The following TAFA2 variants were observed in gnomAD, a reference collection of about 807,000 sequenced individuals.
TAFA2 encodes the protein TAFA chemokine like family member 2.
TAFA2 carries 7 observed loss-of-function variants against 18.8 expected under a neutral mutation model. That is an observed-to-expected ratio of 0.37 (90% confidence interval 0.21 to 0.70). The LOEUF (loss-of-function observed/expected upper bound fraction) is 0.70, where lower values mean the gene tolerates loss of function less well. TAFA2 is among the 30% of genes least tolerant of loss of function. The pLI is 0.53. For missense variants in TAFA2, 122 were observed against 158.1 expected (o/e 0.77, Z 1.23); for synonymous variants, 60 against 54.2 (o/e 1.11, Z -0.47).
chr12:61,713,940 T>A (rs930717216), intron 4 of TAFA2, among the ~76,000 whole-genome samples: 1 of 152,186 alleles, frequency 6.6e-6, no homozygotes, highest in African/African-American at 2.4e-5. Flanking sequence ...TATATCAAAT[T>A]AAGCATTGCC....
intron 1 of TAFA2, among the ~76,000 whole-genome samples, chr12:62,027,062 A>G (rs1200226788): frequency 6.6e-6 from 1 of 152,154 alleles, no homozygotes; most frequent in East Asian, 1.9e-4. Flanking sequence ...TATTTCTACA[A>G]TAATTATTCC....
At chr12:61,971,361 T>G (rs775992773) in intron 1 of TAFA2, among the ~76,000 whole-genome samples, 1 of 151,732 alleles carries the variant, frequency 6.6e-6, no homozygotes, top group Non-Finnish European at 1.5e-5. Flanking sequence ...TAATGATCCA[T>G]AGCATTAGGA....
intron 2 of TAFA2, among the ~76,000 whole-genome samples, chr12:61,835,004 G>A (rs1166954599): frequency 1.3e-5 from 2 of 151,608 alleles, no homozygotes; most frequent in African/African-American, 4.8e-5. Flanking sequence ...TGATACTCCA[G>A]AATTGCTTTT....
intron 1 of TAFA2, among the ~76,000 whole-genome samples, chr12:62,200,062 G>A (rs1020571506): frequency 9.2e-5 from 14 of 152,120 alleles, no homozygotes; most frequent in African/African-American, 3.1e-4. Context: ...CTCTTGAGAA[G>A]TGTCTCTGTT....
intron 1 of TAFA2, chr12:62,023,835 A>G (rs1029933808): frequency 6.6e-6 from 1 of 152,160 alleles, no homozygotes; most frequent in East Asian, 1.9e-4. Flanking sequence ...ATCTCCCCCA[A>G]AAACTTCCCA....
intron 1 of TAFA2, among the ~76,000 whole-genome samples, chr12:62,016,670 G>A (rs555237359): frequency 2.2e-4 from 33 of 152,112 alleles, no homozygotes; most frequent in African/African-American, 6.3e-4. Context: ...ACATTCCTCC[G>A]AGCCCTTCTC....
intron 1 of TAFA2, among the ~76,000 whole-genome samples, chr12:62,024,232 T>C (rs1881241780): frequency 6.6e-6 from 1 of 152,204 alleles, no homozygotes; most frequent in Non-Finnish European, 1.5e-5. Context: ...TGATATATGC[T>C]ATTGGAAATA....
At chr12:61,805,723 G>A (rs181553077) in intron 2 of TAFA2, among the ~76,000 whole-genome samples, 2 of 152,046 alleles carry the variant, frequency 1.3e-5, no homozygotes, top group Non-Finnish European at 2.9e-5. Context: ...TGTGGAAATG[G>A]CAACTTATTT....
intron 4 of TAFA2, among the ~76,000 whole-genome samples, chr12:61,723,622 T>A (rs1870006933): frequency 6.6e-6 from 1 of 152,086 alleles, no homozygotes; most frequent in African/African-American, 2.4e-5. Context: ...CATTTTCACC[T>A]CAGATATTTA....
intron 1 of TAFA2, among the ~76,000 whole-genome samples, chr12:62,238,850 T>TTA (rs1200088098): frequency 6.6e-6 from 1 of 152,190 alleles, no homozygotes; most frequent in African/African-American, 2.4e-5. Flanking sequence ...TTCTGTATAT[T>TTA]TATATATATC....
intron 2 of TAFA2, among the ~76,000 whole-genome samples, chr12:61,850,712 A>G (rs1873606247): frequency 6.6e-6 from 1 of 152,072 alleles, no homozygotes; most frequent in African/African-American, 2.4e-5. Flanking sequence ...AACATGAGAG[A>G]GGAATTACAG....
chr12:61,876,340 G>A (rs759918376), intron 1 of TAFA2, among the ~76,000 whole-genome samples: 42 of 152,072 alleles, frequency 2.8e-4, no homozygotes, highest in Non-Finnish European at 4.9e-4. Flanking sequence ...TGAGAACAAC[G>A]AAAACAATCT....
chr12:62,212,670 C>A (rs1309072749), intron 1 of TAFA2, among the ~76,000 whole-genome samples: 1 of 152,140 alleles, frequency 6.6e-6, no homozygotes, highest in East Asian at 1.9e-4. Context: ...AGTTGAGATT[C>A]TCATATGCTC....
intron 1 of TAFA2, among the ~76,000 whole-genome samples, chr12:62,209,077 T>G (rs1441999901): frequency 6.6e-6 from 1 of 152,208 alleles, no homozygotes; most frequent in Non-Finnish European, 1.5e-5. Context: ...CACAAGGTTT[T>G]TGAAAACAAA....
At chr12:61,800,513 G>A (rs551860711) in intron 2 of TAFA2, among the ~76,000 whole-genome samples, 1 of 152,240 alleles carries the variant, frequency 6.6e-6, no homozygotes, top group East Asian at 1.9e-4. Flanking sequence ...AAAATATGGA[G>A]CAAATACTCA....
At chr12:62,024,480 C>T (rs1416757333) in intron 1 of TAFA2, among the ~76,000 whole-genome samples, 2 of 152,062 alleles carry the variant, frequency 1.3e-5, no homozygotes, top group Non-Finnish European at 2.9e-5. Flanking sequence ...ATATGAGAAA[C>T]CATTTTGGAT....
intron 2 of TAFA2, among the ~76,000 whole-genome samples, chr12:61,859,952 TAAA>T (rs1201617098): frequency 6.6e-6 from 1 of 152,072 alleles, no homozygotes; most frequent in East Asian, 1.9e-4. Flanking sequence ...CATTTTAACA[TAAA>T]AAAGAGAAAA....
chr12:61,805,719 A>G (rs1404962152), intron 2 of TAFA2, among the ~76,000 whole-genome samples: 1 of 152,148 alleles, frequency 6.6e-6, no homozygotes, highest in Non-Finnish European at 1.5e-5. Flanking sequence ...TTAATGTGGA[A>G]ATGGCAACTT....
At chr12:61,730,429 A>G (rs1385475326) in intron 4 of TAFA2, among the ~76,000 whole-genome samples, 1 of 152,062 alleles carries the variant, frequency 6.6e-6, no homozygotes, top group Non-Finnish European at 1.5e-5. Context: ...GGTCTCCTGA[A>G]TAAGTATTGG....
Sources: allele counts gnomAD v4.1 joint callset (sites outside exome capture counted in the v4.1 genomes callset), GRCh38; gene constraint gnomAD v4.1.1; transcripts MANE v1.5; gene names NCBI Gene and HGNC (gene_info 2026-07-23, HGNC 2026-07-21).